The following LINGO2 variants were observed in gnomAD, a reference collection of about 807,000 sequenced individuals.
LINGO2 encodes leucine-rich repeat and immunoglobulin-like domain-containing nogo receptor-interacting protein 2.
A neutral mutation model predicts 30.6 loss-of-function variants in LINGO2; 14 were observed. That is an observed-to-expected ratio of 0.46 (90% CI 0.30 to 0.72). The LOEUF (loss-of-function observed/expected upper bound fraction) is 0.72, where lower values mean the gene tolerates loss of function less well. Among genes scored for constraint, LINGO2 ranks in the 30% least tolerant of loss-of-function variants. The pLI is 0.07. For missense variants in LINGO2, 729 were observed against 751.7 expected (o/e 0.97, Z 0.35); for synonymous variants, 317 against 288.5 (o/e 1.10, Z -1.00).
At chr9:28,717,127 T>C in the LINGO2 span, among the ~76,000 whole-genome samples, 1 of 151,932 alleles carries the variant, frequency 6.6e-6, no homozygotes, top group African/African-American at 2.4e-5. Context: ...TTCACAGAGG[T>C]ATCCAAGAAA....
intron 3 of LINGO2, among the ~76,000 whole-genome samples, chr9:28,345,924 T>C (rs1337234398): frequency 1.3e-5 from 2 of 152,166 alleles, no homozygotes; most frequent in African/African-American, 4.8e-5. Context: ...AGCGATCCCA[T>C]TGGAATTGCC....
chr9:28,097,446 CAAT>C (rs1192649259), intron 4 of LINGO2, among the ~76,000 whole-genome samples: 1 of 145,344 alleles, frequency 6.9e-6, no homozygotes, highest in Non-Finnish European at 1.5e-5. Context: ...AAATGTCCAA[CAAT>C]GATAGACTGG....
intron 2 of LINGO2, among the ~76,000 whole-genome samples, chr9:28,406,713 C>A (rs982807659): frequency 6.6e-6 from 1 of 152,116 alleles, no homozygotes; most frequent in Non-Finnish European, 1.5e-5. Flanking sequence ...ATTCTCCAAC[C>A]AAATTGTTCT....
At chr9:28,426,687 T>A (rs557189642) in intron 2 of LINGO2, among the ~76,000 whole-genome samples, 1 of 152,214 alleles carries the variant, frequency 6.6e-6, no homozygotes, top group African/African-American at 2.4e-5. Flanking sequence ...ATGGCTTAAA[T>A]GGAGGTTTAG....
At chr9:28,633,175 G>A (rs1827083205) in intron 1 of LINGO2, among the ~76,000 whole-genome samples, 1 of 151,870 alleles carries the variant, frequency 6.6e-6, no homozygotes, top group South Asian at 2.1e-4. Context: ...CAGATTAAGG[G>A]TGGATCTGCC....
intron 1 of LINGO2, among the ~76,000 whole-genome samples, chr9:28,485,631 G>A (rs1826139185): frequency 6.6e-6 from 1 of 152,032 alleles, no homozygotes; most frequent in Non-Finnish European, 1.5e-5. Flanking sequence ...ATAAGATAAA[G>A]CATATTTCTT....
At chr9:28,258,831 C>G (rs1299985139) in intron 4 of LINGO2, among the ~76,000 whole-genome samples, 1 of 151,644 alleles carries the variant, frequency 6.6e-6, no homozygotes, top group Non-Finnish European at 1.5e-5. Flanking sequence ...TAAGTCATAT[C>G]CAAGAGGAAT....
At chr9:29,076,461 C>A in the LINGO2 span, among the ~76,000 whole-genome samples, 77 of 151,272 alleles carry the variant, frequency 5.1e-4, no homozygotes, top group African/African-American at 1.8e-3. Flanking sequence ...GAAAAAGGAG[C>A]AGCAATTAGA....
chr9:28,724,261 C>A, the LINGO2 span, among the ~76,000 whole-genome samples: 1 of 152,018 alleles, frequency 6.6e-6, no homozygotes, highest in Non-Finnish European at 1.5e-5. Context: ...AATAATTAGT[C>A]CTGTTTACAC....
At chr9:28,652,436 A>G (rs1828145065) in intron 1 of LINGO2, among the ~76,000 whole-genome samples, 1 of 152,138 alleles carries the variant, frequency 6.6e-6, no homozygotes. Flanking sequence ...AACAACTCCA[A>G]CTTAAGGCTT....
At chr9:28,075,933 G>C (rs1346979854) in intron 4 of LINGO2, among the ~76,000 whole-genome samples, 2 of 150,986 alleles carry the variant, frequency 1.3e-5, no homozygotes, top group Non-Finnish European at 3.0e-5. Context: ...TAATATTTTT[G>C]CTTTTTGTGC....
At chr9:29,172,198 A>G in the LINGO2 span, among the ~76,000 whole-genome samples, 1 of 151,884 alleles carries the variant, frequency 6.6e-6, no homozygotes, top group African/African-American at 2.4e-5. Flanking sequence ...TATTTTTGAT[A>G]GTTATTCATT....
downstream of LINGO2, chr9:27,943,836 G>A (rs1163628161): frequency 2.0e-5 from 3 of 152,090 alleles, no homozygotes; most frequent in African/African-American, 4.8e-5. Flanking sequence ...TCCTTCTGTG[G>A]GCTGTCTCAG....
intron 4 of LINGO2, among the ~76,000 whole-genome samples, chr9:28,209,670 T>C (rs1820524892): frequency 6.6e-6 from 1 of 151,856 alleles, no homozygotes; most frequent in Non-Finnish European, 1.5e-5. Context: ...AGGAATTTTG[T>C]ATAAGTATAT....
intron 4 of LINGO2, among the ~76,000 whole-genome samples, chr9:28,040,265 AG>A (rs1423785327): frequency 2.0e-5 from 3 of 152,058 alleles, no homozygotes; most frequent in African/African-American, 7.2e-5. Context: ...AATTACTAAT[AG>A]TTTATCTTGA....
the LINGO2 span, among the ~76,000 whole-genome samples, chr9:29,017,059 T>A: frequency 1.3e-5 from 2 of 152,194 alleles, no homozygotes; most frequent in Non-Finnish European, 2.9e-5. Context: ...AAAAGAAGGT[T>A]AGAGATTCAA....
chr9:28,901,220 T>C, the LINGO2 span, among the ~76,000 whole-genome samples: 1 of 151,948 alleles, frequency 6.6e-6, no homozygotes, highest in East Asian at 1.9e-4. Context: ...CAGGAAAACT[T>C]CCAATCAGAA....
chr9:28,880,849 A>G, the LINGO2 span, among the ~76,000 whole-genome samples: 2 of 151,838 alleles, frequency 1.3e-5, no homozygotes, highest in South Asian at 4.2e-4. Context: ...GTTATTCTTT[A>G]CTCCGCTGAG....
At chr9:28,991,044 G>A in the LINGO2 span, among the ~76,000 whole-genome samples, 1 of 152,140 alleles carries the variant, frequency 6.6e-6, no homozygotes, top group Non-Finnish European at 1.5e-5. Context: ...AGAGAAGAAG[G>A]CTTCAGACGA....
Sources: allele counts gnomAD v4.1 joint callset (sites outside exome capture counted in the v4.1 genomes callset), GRCh38; gene constraint gnomAD v4.1.1; transcripts MANE v1.5; gene names NCBI Gene and HGNC (gene_info 2026-07-23, HGNC 2026-07-21).